Variants in AK9 observed in about 807,000 individuals in gnomAD.
The protein encoded by AK9 is adenylate kinase 9.
A neutral mutation model predicts 239.6 loss-of-function variants in AK9; 191 were observed. The ratio of observed to expected loss-of-function variants is 0.80; its 90% CI spans 0.71 to 0.90. The LOEUF (loss-of-function observed/expected upper bound fraction) is 0.90, where lower values mean the gene tolerates loss of function less well. Ranked by LOEUF, AK9 falls within the 40% of genes least tolerant of loss-of-function variation. The pLI, the probability that AK9 is intolerant of heterozygous loss-of-function variation, is 0.00. For synonymous variants in AK9, 689 were observed against 721.0 expected (o/e 0.96, Z 0.71); for missense variants, 1,995 against 2,214.7 (o/e 0.90, Z 1.99).
intron 21 of AK9, among the ~76,000 whole-genome samples, chr6:109,569,710 C>T (rs1339528092): frequency 6.6e-6 from 1 of 152,146 alleles, no homozygotes; most frequent in Admixed American, 6.5e-5. Context: ...CAGAGAAATG[C>T]AAATCAAAAC....
At chr6:109,564,024 T>C (rs1786139187) in intron 23 of AK9, 56 bp downstream of exon 23, 4 of 1,454,040 alleles carry the variant, frequency 2.8e-6, no homozygotes, top group Non-Finnish European at 2.8e-6. Context: ...AGTTTCAAAA[T>C]GCTTCTAATA....
chr6:109,563,735 G>A (rs894846337), intron 23 of AK9, 23 bp from the exon 24 acceptor site: 3 of 1,536,750 alleles, frequency 2.0e-6, no homozygotes, highest in Non-Finnish European at 2.6e-6. Flanking sequence ...AGAATCATTG[G>A]GGAAAATATT....
intron 17 of AK9, among the ~76,000 whole-genome samples, chr6:109,591,480 C>A (rs1030764672): frequency 2.0e-5 from 3 of 151,960 alleles, no homozygotes; most frequent in Admixed American, 2.0e-4. Flanking sequence ...ATTCCATCAG[C>A]CAATATCTTT....
At chr6:109,621,049 AAAAC>A (rs1437486477) in intron 12 of AK9, among the ~76,000 whole-genome samples, 2 of 151,574 alleles carry the variant, frequency 1.3e-5, no homozygotes, top group South Asian at 2.1e-4. Context: ...TTACAAGAAA[AAAAC>A]AAACAACCCC....
intron 15 of AK9, among the ~76,000 whole-genome samples, chr6:109,613,024 C>T (rs942068685): frequency 6.7e-6 from 1 of 148,564 alleles, no homozygotes; most frequent in Non-Finnish European, 1.5e-5. Flanking sequence ...ATAAATTGAA[C>T]GTTTATAGAA....
chr6:109,585,187 A>G lies in AK9; in HGVS notation c.2050T>C (p.Ser684Pro). 2.9e-6 allele frequency: 3 copies of G among 1,041,180 alleles called. No homozygotes were observed. The highest frequency in any genetic ancestry group is 2.0e-5 in the South Asian group (1 of 49,720). 64.5% of individuals were successfully genotyped at this position (1,041,180 alleles called of 1,614,324 possible). A position where few individuals can be genotyped will look rare whatever the true frequency, so the allele number is the denominator to read the frequency against. Residue 684 changes from serine to proline, a missense_variant, in exon 19 of 41, where the codon TCT becomes CCT. Physicochemically the swap from Ser to Pro is moderately conservative, Grantham distance 74. Coordinates refer to ENST00000424296, the MANE Select transcript of AK9 (RefSeq NM_001145128.3). ...TCTAATAATCTTTCTAAAATCTTAG[A>G]GTCAATTTCAGATTTCTTCTGTAAA... The part of the protein sequence containing the change: ...IYLQKKSEID[S>P]KILERLLEEL...
chr6:109,575,766 A>G (rs1787991166), intron 20 of AK9, among the ~76,000 whole-genome samples: 1 of 151,934 alleles, frequency 6.6e-6, no homozygotes, highest in Non-Finnish European at 1.5e-5. Flanking sequence ...TAGTTTTTTG[A>G]TGTTATCTTC....
At chr6:109,537,900 T>G (rs1456178578) in intron 27 of AK9, among the ~76,000 whole-genome samples, 2 of 152,252 alleles carry the variant, frequency 1.3e-5, no homozygotes, top group Non-Finnish European at 2.9e-5. Flanking sequence ...TCAGTTTCCA[T>G]GCAGTTGAGC....
intron 16 of AK9, among the ~76,000 whole-genome samples, chr6:109,611,091 G>T (rs1793526173): frequency 6.6e-6 from 1 of 152,146 alleles, no homozygotes; most frequent in Non-Finnish European, 1.5e-5. Context: ...TAATGAGATA[G>T]GAGTTTGGCA....
intron 15 of AK9, among the ~76,000 whole-genome samples, chr6:109,613,273 T>A (rs941191304): frequency 5.3e-5 from 8 of 151,632 alleles, no homozygotes; most frequent in African/African-American, 1.9e-4. Context: ...GTAAAATATA[T>A]GAAAAATAAG....
At chr6:109,611,227 C>A (rs540345973) in intron 16 of AK9, among the ~76,000 whole-genome samples, 1 of 152,258 alleles carries the variant, frequency 6.6e-6, no homozygotes, top group South Asian at 2.1e-4. Context: ...CCCAAAGGGT[C>A]TTCAAAAGCA....
At position 109,514,433 on chromosome 6, in the gene AK9, C is replaced by G. The variant is rs1779061764; in HGVS notation, c.4070G>C (p.Ser1357Thr). The G allele has an allele frequency of 1.3e-6, 2 of 1,540,410 alleles. No homozygotes were observed. Among genetic ancestry groups the G allele is most frequent in the Non-Finnish European group, 1.8e-6 (2 of 1,142,160 alleles). ...SFGYWDPVKLSEGETIKPVEN... is the reference protein window; with the variant it reads ...SFGYWDPVKLTEGETIKPVEN... ...AACTGGCTTGATTGTCTCTCCTTCA[C>G]TTAGCTGCAACATATACACAGTTGA... The change falls in exon 32 of 41, where the codon AGT (serine) becomes ACT (threonine). Residue 1357 changes from serine (S) to threonine (T), a missense_variant. Transcript: ENST00000424296.
intron 28 of AK9, among the ~76,000 whole-genome samples, chr6:109,530,173 A>AC (rs1361807699): frequency 6.6e-6 from 1 of 152,206 alleles, no homozygotes; most frequent in Non-Finnish European, 1.5e-5. Context: ...TTATTGGCTC[A>AC]GGACTCTGTA....
At chr6:109,611,548 AGTTTGTGTGTGTGTGTGCACAT>A (rs1793583143) in intron 16 of AK9, among the ~76,000 whole-genome samples, 1 of 151,618 alleles carries the variant, frequency 6.6e-6, no homozygotes, top group Admixed American at 6.5e-5. Flanking sequence ...AGGCAAGCAG[AGTTTGTGTGTGTGTGTGCACAT>A]GTTTGTGTGT....
intron 24 of AK9, among the ~76,000 whole-genome samples, chr6:109,557,598 TAA>T (rs1426706638): frequency 6.6e-6 from 1 of 152,216 alleles, no homozygotes; most frequent in East Asian, 1.9e-4. Context: ...GAGGAGAGGC[TAA>T]GTCTGCTGGT....
intron 13 of AK9, among the ~76,000 whole-genome samples, chr6:109,617,085 T>C (rs1424469660): frequency 6.6e-6 from 1 of 152,104 alleles, no homozygotes; most frequent in Non-Finnish European, 1.5e-5. Flanking sequence ...GAAATAAGCT[T>C]ATTAAGAAAA....
At position 109,573,456 on chromosome 6, in the gene AK9, G is replaced by A. The variant is rs1214582029; in HGVS notation, c.2330C>T (p.Thr777Ile). 1.3e-6 allele frequency: 2 copies of A among 1,548,966 alleles called. No homozygotes were observed. The highest frequency in any genetic ancestry group is 2.0e-5 in the Admixed American group (1 of 50,338). ...TAAAGTCTAACCTGCTTCAGGCTCA[G>A]TTTCAGGGACCTCAGATGCTTCAAA... ...EEFEASEVPE[T>I]EPEAVSEPIE... The change falls in exon 21 of 41, where the codon ACT becomes ATT. Residue 777 changes from threonine (T) to isoleucine (I), a missense_variant. This residue lies in a region of AK9 where 1,290 missense variants were observed against 1,392.7 expected (regional missense o/e 0.93). Transcript: ENST00000424296.
chr6:109,537,109 T>G (rs953018486), intron 27 of AK9, among the ~76,000 whole-genome samples: 1 of 152,128 alleles, frequency 6.6e-6, no homozygotes, highest in African/African-American at 2.4e-5. Context: ...CAGGATGATG[T>G]TGGCCTCATA....
chr6:109,599,115 T>C (rs930344201), intron 17 of AK9, among the ~76,000 whole-genome samples: 6 of 152,246 alleles, frequency 3.9e-5, no homozygotes, highest in African/African-American at 1.4e-4. Context: ...TTTGTTGCCA[T>C]TGCTTTTGGT....
Sources: allele counts gnomAD v4.1 joint callset (sites outside exome capture counted in the v4.1 genomes callset), GRCh38; gene constraint gnomAD v4.1.1; regional missense constraint gnomAD v4.1.1; transcripts MANE v1.5; gene names NCBI Gene and HGNC (gene_info 2026-07-23, HGNC 2026-07-21).